CFAP46: variants seen among roughly 807,000 people sequenced by gnomAD.
CFAP46 encodes cilia and flagella associated protein 46, also known as cilia- and flagella-associated protein 46.
In CFAP46, 245 loss-of-function variants were observed where a neutral mutation model predicts 325.7. That is an observed-to-expected ratio of 0.75 (90% CI 0.68 to 0.84). CFAP46 has a LOEUF of 0.84. Among genes scored for constraint, CFAP46 ranks in the 40% least tolerant of loss-of-function variants. The pLI, the probability that CFAP46 is intolerant of heterozygous loss-of-function variation, is 0.00. For synonymous variants in CFAP46, 1,523 were observed against 1,495.9 expected, an observed-to-expected ratio of 1.02 and a Z score of -0.42; for missense variants, 3,346 against 3,543.0, an observed-to-expected ratio of 0.94 and a Z score of 1.41.
Position 132,895,916 on chromosome 10 carries a change from T to C in CFAP46, c.3219+3043A>G, listed in dbSNP as rs147191839. On this transcript the variant is annotated intron_variant, in intron 24 of 57. Transcript: ENST00000368586. ...TTCTGTGTGCCACATGAAGACACGGTGAGAAGGCAGCCAGGCTCTGTGTGC... is the reference window on the plus strand; with the variant it reads ...TTCTGTGTGCCACATGAAGACACGGCGAGAAGGCAGCCAGGCTCTGTGTGC... Among the ~76,000 whole-genome samples the C allele has an allele frequency of 3.5e-4, 46 of 131,542 alleles. 3 individuals carry two copies. Among genetic ancestry groups the C allele is most frequent in the African/African-American group, 1.3e-3 (39 of 30,530 alleles). 86.3% of individuals were successfully genotyped at this position (131,542 alleles called of 152,430 possible). A position where few individuals can be genotyped will look rare whatever the true frequency, so the allele number is the denominator to read the frequency against.
In CFAP46 at chr10:132,879,650, G is replaced by T. The variant is rs1388260422; in HGVS notation, c.3800-19C>A. On this transcript the variant is annotated intron_variant, in intron 28 of 57. Coordinates refer to ENST00000368586, the MANE Select transcript of CFAP46 (RefSeq NM_001200049.3). ...TACTCCCCTGAAACACGGGGTGCCC[G>T]AGGCTGAGAGCAGGCCCGGCTACGG... 6.7e-7 allele frequency: 1 copy of T among 1,489,854 alleles called. No individual in the cohort carries two copies. The highest frequency in any genetic ancestry group is 1.4e-5 in the African/African-American group (1 of 71,684). The allele number at this position is 1,489,854 out of a possible 1,614,324, so 92.3% of individuals were successfully genotyped here.
At position 132,832,390 on chromosome 10, in the gene CFAP46, C is replaced by A. The variant is rs12258960; in HGVS notation, c.7117+968G>T. ...GCGGAGACCCCTGGGCTCTTCCTGC[C>A]CCCCCCCCCCAATGCTGTGGCCTGG... On this transcript the variant is annotated intron_variant, in intron 50 of 57. Transcript: ENST00000368586. The surrounding 1 kb of genome is among the most constrained non-coding windows in gnomAD (Gnocchi z 4.1). Among the ~76,000 whole-genome samples the A allele has an allele frequency of 4.7e-5, 5 of 105,606 alleles. No individual in the cohort carries two copies. The highest frequency in any genetic ancestry group is 2.0e-4 in the African/African-American group (5 of 25,272). 69.3% of individuals were successfully genotyped at this position (105,606 alleles called of 152,430 possible).
At chr10:132,866,359 G>T (rs1189140320) in intron 34 of CFAP46, among the ~76,000 whole-genome samples, 188 bp from the exon 35 acceptor site, 1 of 152,168 alleles carries the variant, frequency 6.6e-6, no homozygotes, top group Non-Finnish European at 1.5e-5. Context: ...CAGAGCTCAG[G>T]CCTTTGCCTT....
At chr10:132,896,920 G>A (rs1849328419) in intron 24 of CFAP46, among the ~76,000 whole-genome samples, 1 of 152,138 alleles carries the variant, frequency 6.6e-6, no homozygotes. Flanking sequence ...ATACCATACA[G>A]GCCGGTGAAA....
At chr10:132,887,351 TCCTCC>T (rs1432105331) in intron 25 of CFAP46, among the ~76,000 whole-genome samples, 4 of 51,524 alleles carry the variant, frequency 7.8e-5, no homozygotes, top group Non-Finnish European at 1.4e-4. Flanking sequence ...TCCTCTCCTC[TCCTCC>T]CCTCTTCTTT....
intron 49 of CFAP46, 86 bp from the exon 50 acceptor site, chr10:132,833,611 G>T: frequency 7.0e-7 from 1 of 1,437,306 alleles, no homozygotes; most frequent in Non-Finnish European, 9.5e-7. Flanking sequence ...TGACTTGGCT[G>T]CTGGGCGCTG....
intron 16 of CFAP46, among the ~76,000 whole-genome samples, 169 bp from the exon 17 acceptor site, chr10:132,916,851 C>G (rs898610442): frequency 1.3e-5 from 2 of 152,184 alleles, no homozygotes; most frequent in Admixed American, 6.5e-5. Flanking sequence ...ATAGCCACTC[C>G]AGGGACTAAA....
intron 13 of CFAP46, among the ~76,000 whole-genome samples, chr10:132,921,154 A>C (rs12263313): frequency 6.6e-6 from 1 of 151,982 alleles, no homozygotes; most frequent in Non-Finnish European, 1.5e-5. Flanking sequence ...CCCGACCACC[A>C]TCTCCACAGG....
chr10:132,902,886 G>A (rs899366171), intron 22 of CFAP46, among the ~76,000 whole-genome samples: 1 of 152,062 alleles, frequency 6.6e-6, no homozygotes, highest in Admixed American at 6.5e-5. Context: ...GCTAAGGTGT[G>A]TCTTTCTGAA....
chr10:132,878,172 G>T, intron 29 of CFAP46, 85 bp from the exon 30 acceptor site: 1 of 1,278,958 alleles, frequency 7.8e-7, no homozygotes, highest in Non-Finnish European at 1.1e-6. Flanking sequence ...GATGAGGGAC[G>T]CTCAGACCCG....
Position 132,913,117 on chromosome 10 carries a change from G to C in CFAP46, c.2262C>G (p.Ala754=), listed in dbSNP as rs4880467. 0.35 allele frequency: 547,060 copies of C among 1,550,166 alleles called. 97,839 individuals carry two copies. The highest frequency in any genetic ancestry group is 0.39 in the Admixed American group (20,038 of 51,004). ...VLNHNHHLIL[A]GRQKELVDAL... The stretch of plus-strand genomic sequence containing the variant: ...CGTCCACCAGCTCCTTCTGCCGCCC[G>C]GCCAGGATCAGGTGGTGGTTGTGGT... Residue 754 remains alanine, a synonymous_variant, in exon 18 of 58, where the codon GCC becomes GCG. Coordinates refer to ENST00000368586, the MANE Select transcript of CFAP46 (RefSeq NM_001200049.3).
At chr10:132,864,218 C>T (rs73393218) in intron 35 of CFAP46, among the ~76,000 whole-genome samples, 1 of 133,796 alleles carries the variant, frequency 7.5e-6, no homozygotes, top group Admixed American at 7.3e-5. Context: ...GAGACCTGCA[C>T]ACACCTGTCC....
chr10:132,909,519 T>C (rs566907092), intron 20 of CFAP46, among the ~76,000 whole-genome samples: 15 of 152,240 alleles, frequency 9.9e-5, no homozygotes, highest in African/African-American at 3.4e-4. Flanking sequence ...GGGCCTGACA[T>C]GGTGGCTGCT....
intron 49 of CFAP46, 84 bp from the exon 50 acceptor site, chr10:132,833,609 C>T: frequency 6.9e-7 from 1 of 1,456,888 alleles, no homozygotes; most frequent in East Asian, 2.3e-5. Flanking sequence ...TCTGACTTGG[C>T]TGCTGGGCGC....
chr10:132,847,138 G>A lies in CFAP46; in HGVS notation c.6088-27C>T. The stretch of plus-strand genomic sequence containing the variant: ...TGTGGGGCACAAGGCTCAGGCTCAG[G>A]CCAGGCTCCGGGCAGAGGCCACACG... On this transcript the variant is annotated intron_variant, in intron 42 of 57. Coordinates refer to ENST00000368586, the MANE Select transcript of CFAP46 (RefSeq NM_001200049.3). The surrounding 1 kb of genome is among the most constrained non-coding windows in gnomAD (Gnocchi z 5.2). The A allele has an allele frequency of 1.2e-6, 2 of 1,607,816 alleles. No homozygotes were observed. The highest frequency in any genetic ancestry group is 8.5e-7 in the Non-Finnish European group (1 of 1,177,614).
intron 7 of CFAP46, among the ~76,000 whole-genome samples, chr10:132,936,501 C>A (rs1850008773): frequency 6.8e-6 from 1 of 146,884 alleles, no homozygotes; most frequent in African/African-American, 2.5e-5. Flanking sequence ...GATCTCCTCA[C>A]TCCCCTCGGC....
In CFAP46 at chr10:132,810,930, C is replaced by T. The variant is rs745340540; in HGVS notation, c.7583+20G>A. The T allele has an allele frequency of 2.4e-5, 38 of 1,573,230 alleles. No homozygotes were observed. Among genetic ancestry groups the T allele is most frequent in the Middle Eastern group, 1.7e-4 (1 of 6,034 alleles). ...TCCATCCTCAGCATCCCTGCCCACC[C>T]GTTCCAGGCAGCCAGGCACCTCCTG... On this transcript the variant is annotated intron_variant, in intron 56 of 57. Transcript: ENST00000368586.
chr10:132,922,070 G>A (rs781528563), intron 13 of CFAP46, 34 bp downstream of exon 13: 25 of 1,544,614 alleles, frequency 1.6e-5, no homozygotes, highest in Admixed American at 7.9e-5. Context: ...AAGGTGGACC[G>A]TTCTGGGCTG....
intron 44 of CFAP46, 28 bp from the exon 45 acceptor site, chr10:132,836,942 G>T (rs757795923): frequency 9.8e-6 from 15 of 1,532,630 alleles, no homozygotes; most frequent in Non-Finnish European, 1.3e-5. Flanking sequence ...GCCATCAGGG[G>T]ATGCATTTAG....
Sources: gnomAD v4.1 joint callset for allele counts (sites outside exome capture counted in the v4.1 genomes callset) on GRCh38, gnomAD v4.1.1 for gene constraint, Gnocchi (gnomAD v3.1) non-coding constraint, MANE v1.5 for transcripts, NCBI Gene and HGNC (gene_info 2026-07-23, HGNC 2026-07-21) for gene names.